The following PTPRT variants were observed in gnomAD, a reference collection of about 807,000 sequenced individuals.
The protein encoded by PTPRT is protein tyrosine phosphatase receptor type T.
PTPRT carries 56 observed loss-of-function variants against 176.8 expected under a neutral mutation model. The observed-to-expected ratio is 0.32, with a 90% CI of 0.26 to 0.40. The LOEUF (loss-of-function observed/expected upper bound fraction) is 0.40, where lower values mean the gene tolerates loss of function less well. PTPRT is among the 10% of genes least tolerant of loss of function. The pLI, the probability that PTPRT is intolerant of heterozygous loss-of-function variation, is 1.00. For missense variants in PTPRT, 1,540 were observed against 1,908.2 expected (o/e 0.81, Z 3.60); for synonymous variants, 783 against 739.0 (o/e 1.06, Z -0.96).
At chr20:42,557,359 T>C (rs997099064) in intron 7 of PTPRT, among the ~76,000 whole-genome samples, 4 of 152,136 alleles carry the variant, frequency 2.6e-5, no homozygotes, top group African/African-American at 9.7e-5. Context: ...TCCTACCCCT[T>C]GCTCTGCAAA....
intron 1 of PTPRT, among the ~76,000 whole-genome samples, chr20:43,184,242 G>GA (rs1325890265): frequency 1.3e-5 from 2 of 152,202 alleles, no homozygotes; most frequent in African/African-American, 4.8e-5. Context: ...TTCAGTGTGA[G>GA]AAAAAATTAA....
At chr20:42,943,454 T>C (rs139102174) in intron 1 of PTPRT, among the ~76,000 whole-genome samples, 23 of 152,138 alleles carry the variant, frequency 1.5e-4, no homozygotes, top group Non-Finnish European at 3.2e-4. Flanking sequence ...AGAAGAGCTG[T>C]CCACTGAAGA....
At chr20:42,136,543 C>T (rs563352776) in intron 18 of PTPRT, among the ~76,000 whole-genome samples, 14 of 152,134 alleles carry the variant, frequency 9.2e-5, no homozygotes, top group East Asian at 3.9e-4. Flanking sequence ...AATTGGAAAA[C>T]GCCCCTTTGT....
intron 6 of PTPRT, chr20:42,688,527 T>C (rs574533575): frequency 4.8e-4 from 73 of 152,388 alleles, no homozygotes; most frequent in Non-Finnish European, 2.1e-4. Flanking sequence ...CACTGTGTAA[T>C]GGATTCCCTT....
At chr20:42,094,838 C>T (rs547543568) in intron 27 of PTPRT, among the ~76,000 whole-genome samples, 7 of 152,232 alleles carry the variant, frequency 4.6e-5, no homozygotes, top group Admixed American at 2.6e-4. Context: ...GTTGAGATCG[C>T]GCCACTGCAC....
chr20:42,981,248 T>A (rs1445502237), intron 1 of PTPRT, among the ~76,000 whole-genome samples: 1 of 152,186 alleles, frequency 6.6e-6, no homozygotes, highest in African/African-American at 2.4e-5. Flanking sequence ...AACTTCAGGG[T>A]CCCTATCCAT....
At chr20:42,263,238 G>C (rs1600745721) in intron 13 of PTPRT, among the ~76,000 whole-genome samples, 1 of 151,094 alleles carries the variant, frequency 6.6e-6, no homozygotes, top group Non-Finnish European at 1.5e-5. Context: ...TCTTTTTTTT[G>C]AGACTGGGTC....
intron 9 of PTPRT, among the ~76,000 whole-genome samples, chr20:42,445,677 G>C (rs2059355989): frequency 6.6e-6 from 1 of 152,140 alleles, no homozygotes; most frequent in Non-Finnish European, 1.5e-5. Flanking sequence ...TCTGGTTCCG[G>C]TTCTCTGCAA....
intron 1 of PTPRT, among the ~76,000 whole-genome samples, chr20:42,938,968 A>T (rs940671525): frequency 1.3e-5 from 2 of 152,214 alleles, no homozygotes; most frequent in African/African-American, 4.8e-5. Flanking sequence ...GCGGCAGTTT[A>T]AACAGAAGGT....
intron 1 of PTPRT, among the ~76,000 whole-genome samples, chr20:43,005,239 G>A (rs918705857): frequency 6.6e-6 from 1 of 152,052 alleles, no homozygotes; most frequent in Admixed American, 6.6e-5. Context: ...CGATTCTAAT[G>A]GCCCACGAAG....
intron 8 of PTPRT, among the ~76,000 whole-genome samples, chr20:42,450,100 C>T (rs919664496): frequency 3.9e-5 from 6 of 152,170 alleles, no homozygotes; most frequent in African/African-American, 7.2e-5. Flanking sequence ...TTAGAGGGGG[C>T]GTTGCCCCTT....
In PTPRT at chr20:42,677,903, C is replaced by T. The variant is rs201463497; in HGVS notation, c.1116G>A (p.Pro372=). 26 of 1,613,878 alleles carry T rather than the reference C, an allele frequency of 1.6e-5. No individual in the cohort carries two copies. Among genetic ancestry groups the T allele is most frequent in the East Asian group, 1.3e-4 (6 of 44,868 alleles). ...LTRPGEGGTG[P]PGPPLTTRTK... is the part of the protein sequence containing the mutation. Reference sequence around the variant, plus strand: ...TCCTGGTGGTGAGGGGAGGCCCTGGCGGTCCCGTACCCCCCTCACCTGGTC... The same window carrying T: ...TCCTGGTGGTGAGGGGAGGCCCTGGTGGTCCCGTACCCCCCTCACCTGGTC... Residue 372 remains proline (P), a synonymous_variant, in exon 7 of 31, where the codon CCG becomes CCA. Coordinates refer to ENST00000373187, the MANE Select transcript of PTPRT (RefSeq NM_007050.6).
intron 2 of PTPRT, among the ~76,000 whole-genome samples, chr20:42,828,980 A>G (rs2078042938): frequency 6.6e-6 from 1 of 152,086 alleles, no homozygotes; most frequent in East Asian, 1.9e-4. Context: ...TCCAGACCCC[A>G]GAATGTTAGA....
At chr20:42,619,898 A>C (rs2074155898) in intron 7 of PTPRT, among the ~76,000 whole-genome samples, 1 of 143,108 alleles carries the variant, frequency 7.0e-6, no homozygotes, top group Non-Finnish European at 1.5e-5. Context: ...GTCCTCCCGT[A>C]GCTCAGAGTA....
At chr20:42,877,694 C>T (rs1349983562) in intron 2 of PTPRT, among the ~76,000 whole-genome samples, 1 of 152,178 alleles carries the variant, frequency 6.6e-6, no homozygotes, top group African/African-American at 2.4e-5. Flanking sequence ...TTCCTGCCTA[C>T]AAGAACCGAA....
chr20:43,030,964 G>A (rs114685312), intron 1 of PTPRT, among the ~76,000 whole-genome samples: 2,547 of 152,312 alleles, frequency 0.017, 65 homozygotes, highest in African/African-American at 0.058. Context: ...ACCATCACCT[G>A]GAAAGGAGTG....
chr20:42,797,304 C>T (rs6130221), intron 2 of PTPRT, among the ~76,000 whole-genome samples: 60,257 of 152,040 alleles, frequency 0.4, 14,082 homozygotes, highest in East Asian at 0.53. Flanking sequence ...TATTTTGCAA[C>T]GACTTCCTAA....
At chr20:42,883,742 T>TCCCATACA (rs1600515695) in intron 2 of PTPRT, among the ~76,000 whole-genome samples, 1 of 12,006 alleles carries the variant, frequency 8.3e-5, no homozygotes. Context: ...CCATACACTC[T>TCCCATACA]CACACATACC....
At chr20:42,504,218 T>C (rs1221767505) in intron 7 of PTPRT, among the ~76,000 whole-genome samples, 1 of 152,140 alleles carries the variant, frequency 6.6e-6, no homozygotes, top group African/African-American at 2.4e-5. Context: ...TAATCCTAAT[T>C]ATGTGTGGGC....
Sources: gnomAD v4.1 joint callset for allele counts (sites outside exome capture counted in the v4.1 genomes callset) on GRCh38, gnomAD v4.1.1 for gene constraint, MANE v1.5 for transcripts, NCBI Gene and HGNC (gene_info 2026-07-23, HGNC 2026-07-21) for gene names.